Variants in ERI3 observed in about 807,000 individuals in gnomAD.
The protein encoded by ERI3 is ERI1 exoribonuclease family member 3.
In ERI3, 18 loss-of-function variants were observed where a neutral mutation model predicts 44.4. The observed-to-expected ratio is 0.41, with a 90% CI of 0.28 to 0.60. The LOEUF is 0.60. ERI3 is among the 20% of genes least tolerant of loss of function. The pLI, the probability that ERI3 is intolerant of heterozygous loss-of-function variation, is 0.36. For missense variants in ERI3, 294 were observed against 435.5 expected (o/e 0.68, Z 2.89); for synonymous variants, 183 against 164.8 (o/e 1.11, Z -0.84).
rs780474592 is a variant in ERI3, at chr1:44,284,814, G to A, written c.831+21C>T. ...ACAAGAGCACCAGGGGAAGCACCCAGTTGGGGCTCAGACACAGTACCTTTT... is the reference window on the plus strand; with the variant it reads ...ACAAGAGCACCAGGGGAAGCACCCAATTGGGGCTCAGACACAGTACCTTTT... On this transcript the variant is annotated intron_variant, in intron 7 of 8. Transcript: ENST00000372257. The A allele has an allele frequency of 7.5e-6, 12 of 1,608,798 alleles. No individual in the cohort carries two copies. In the Admixed American group the frequency reaches 1.0e-4, roughly 13 times the overall value.
chr1:44,240,426 C>T (rs776643530), intron 8 of ERI3, among the ~76,000 whole-genome samples: 21 of 152,074 alleles, frequency 1.4e-4, no homozygotes, highest in African/African-American at 3.4e-4. Context: ...TGGATCCAGG[C>T]GTGGTGACAT....
chr1:44,254,245 A>T (rs988506192), intron 7 of ERI3, among the ~76,000 whole-genome samples: 3 of 152,052 alleles, frequency 2.0e-5, no homozygotes, highest in African/African-American at 7.2e-5. Flanking sequence ...TATTTCAGTC[A>T]TCTTTCCCCA....
intron 7 of ERI3, among the ~76,000 whole-genome samples, chr1:44,262,819 C>A (rs748110096): frequency 1.3e-5 from 2 of 152,192 alleles, no homozygotes; most frequent in Non-Finnish European, 2.9e-5. Context: ...ATCTTACTGA[C>A]ACTCTCCAGA....
At chr1:44,322,625 G>C in intron 3 of ERI3, 2 of 1,391,394 alleles carry the variant, frequency 1.4e-6, no homozygotes, top group Non-Finnish European at 1.9e-6. Context: ...CTACACACTG[G>C]CATATTCACT....
At chr1:44,282,174 T>G (rs1479900333) in intron 7 of ERI3, among the ~76,000 whole-genome samples, 1 of 152,016 alleles carries the variant, frequency 6.6e-6, no homozygotes, top group Non-Finnish European at 1.5e-5. Context: ...TCTGGAGAAG[T>G]AAGGGCAGCT....
chr1:44,353,496 C>T (rs1246750269), intron 1 of ERI3: 3 of 985,408 alleles, frequency 3.0e-6, no homozygotes, highest in Non-Finnish European at 3.6e-6. Flanking sequence ...TGCAGAGATG[C>T]CCCTGTTAGT....
At chr1:44,314,796 A>G (rs755827180) in intron 4 of ERI3, among the ~76,000 whole-genome samples, 1 of 152,242 alleles carries the variant, frequency 6.6e-6, no homozygotes, top group Non-Finnish European at 1.5e-5. Context: ...CAGGAACTAG[A>G]GATCCGGCAG....
intron 8 of ERI3, among the ~76,000 whole-genome samples, chr1:44,229,290 T>C (rs1399031512): frequency 6.6e-6 from 1 of 152,232 alleles, no homozygotes; most frequent in African/African-American, 2.4e-5. Flanking sequence ...CTAGAATTTA[T>C]AGTGCTGGGT....
intron 6 of ERI3, among the ~76,000 whole-genome samples, chr1:44,293,707 C>G (rs1187825494): frequency 2.0e-5 from 3 of 152,204 alleles, no homozygotes. Context: ...AGCAGTAAAG[C>G]CAGGAATCGA....
intron 7 of ERI3, among the ~76,000 whole-genome samples, chr1:44,266,236 C>T (rs1003895227): frequency 6.6e-6 from 1 of 152,026 alleles, no homozygotes; most frequent in Non-Finnish European, 1.5e-5. Flanking sequence ...TCACTGAGGA[C>T]ATAAGAGGAG....
At position 44,228,691 on chromosome 1, in the gene ERI3, GA is replaced by G. The variant is rs1438858291; in HGVS notation, c.932-7052del. Among the ~76,000 whole-genome samples, 1 of 152,194 alleles carries G rather than the reference GA, an allele frequency of 6.6e-6. No individual in the cohort carries two copies. The highest frequency in any genetic ancestry group is 2.4e-5 in the African/African-American group (1 of 41,454). ...ACAGCCACTTGGGGGCAGTGGGGTG[GA>G]GGGGGGGATGTGCCTGGCCGGGAGG... On this transcript the variant is annotated intron_variant, in intron 8 of 8. Transcript: ENST00000372257. This position sits in a 1 kb window ranked among gnomAD's most constrained non-coding sequence, Gnocchi z 4.3.
intron 5 of ERI3, among the ~76,000 whole-genome samples, chr1:44,312,432 G>A (rs899561355): frequency 1.3e-5 from 2 of 152,042 alleles, no homozygotes; most frequent in African/African-American, 2.4e-5. Context: ...GAGGGTGGGA[G>A]ACAAGCTAAG....
chr1:44,335,364 A>AC (rs1258125945), intron 3 of ERI3, among the ~76,000 whole-genome samples: 3 of 150,506 alleles, frequency 2.0e-5, no homozygotes, highest in African/African-American at 7.3e-5. Flanking sequence ...CAAAAAAAAA[A>AC]AAACAAACAA....
chr1:44,333,578 C>A (rs1198418749), intron 3 of ERI3, among the ~76,000 whole-genome samples: 1 of 152,190 alleles, frequency 6.6e-6, no homozygotes, highest in Non-Finnish European at 1.5e-5. Context: ...GGGCAAAGAG[C>A]AATGTGTTGG....
intron 8 of ERI3, among the ~76,000 whole-genome samples, chr1:44,226,815 A>ACACACACAC (rs1557764548): frequency 7.4e-5 from 11 of 149,488 alleles, no homozygotes; most frequent in South Asian, 2.1e-4. Flanking sequence ...ACACACACAC[A>ACACACACAC]AACTATCCTA....
chr1:44,284,790 C>A, intron 7 of ERI3, 45 bp downstream of exon 7: 1 of 1,471,870 alleles, frequency 6.8e-7, no homozygotes, highest in Non-Finnish European at 9.5e-7. Flanking sequence ...CTCTGAGGCA[C>A]AAGAGCACCA....
intron 7 of ERI3, among the ~76,000 whole-genome samples, chr1:44,274,314 A>G (rs35554553): frequency 0.25 from 37,697 of 152,210 alleles, 4,758 homozygotes; most frequent in Non-Finnish European, 0.26. Context: ...GGCTAGTCAA[A>G]GGTTAGAATA....
intron 2 of ERI3, among the ~76,000 whole-genome samples, chr1:44,346,525 G>A (rs1646786445): frequency 1.3e-5 from 2 of 152,136 alleles, no homozygotes. Flanking sequence ...CACACGAGAA[G>A]GGGCAAAGCC....
chr1:44,265,810 A>G (rs1194005048), intron 7 of ERI3, among the ~76,000 whole-genome samples: 1 of 152,218 alleles, frequency 6.6e-6, no homozygotes, highest in African/African-American at 2.4e-5. Context: ...AGTTCCCAGA[A>G]TTGCCAGAAT....
Sources: allele counts gnomAD v4.1 joint callset (sites outside exome capture counted in the v4.1 genomes callset), GRCh38; gene constraint gnomAD v4.1.1; non-coding constraint Gnocchi (gnomAD v3.1); transcripts MANE v1.5; gene names NCBI Gene and HGNC (gene_info 2026-07-23, HGNC 2026-07-21).